MYLK: variants seen among roughly 807,000 people sequenced by gnomAD.
MYLK encodes myosin light chain kinase, smooth muscle.
A neutral mutation model predicts 203.4 loss-of-function variants in MYLK; 106 were observed. The observed-to-expected ratio is 0.52, with a 90% CI of 0.45 to 0.61. MYLK has a LOEUF of 0.61. Among genes scored for constraint, MYLK ranks in the 20% least tolerant of loss-of-function variants. MYLK has a pLI of 0.00. For missense variants in MYLK, 2,072 were observed against 2,442.3 expected (o/e 0.85, Z 3.20); for synonymous variants, 867 against 959.5 (o/e 0.90, Z 1.78).
At chr3:123,724,591 T>C (rs2062211932) in intron 12 of MYLK, among the ~76,000 whole-genome samples, 1 of 152,116 alleles carries the variant, frequency 6.6e-6, no homozygotes, top group Admixed American at 6.5e-5. Flanking sequence ...TGGCACTTCC[T>C]CTTACTCACT....
intron 4 of MYLK, among the ~76,000 whole-genome samples, chr3:123,792,457 C>G (rs949788261): frequency 6.6e-6 from 1 of 152,188 alleles, no homozygotes; most frequent in Non-Finnish European, 1.5e-5. Flanking sequence ...TCTCTTCCCC[C>G]CAGCCCCTGG....
intron 4 of MYLK, among the ~76,000 whole-genome samples, chr3:123,774,106 G>T (rs1560200000): frequency 6.6e-6 from 1 of 152,192 alleles, no homozygotes; most frequent in Non-Finnish European, 1.5e-5. Context: ...CTCCCCAGCT[G>T]TTTTCAATAA....
rs570663633 is a variant in MYLK at position 123,762,054 on chromosome 3, C to T, written c.166-9516G>A. Among the ~76,000 whole-genome samples the T allele has an allele frequency of 2.0e-5, 3 of 152,108 alleles. No homozygotes were observed. In the East Asian group the frequency reaches 5.8e-4, roughly 29 times the overall value. On this transcript the variant is annotated intron_variant, in intron 4 of 33. Transcript: ENST00000360304. ...AAAAATATATATATTTTTATCCTCA[C>T]CAAAACACCCGTACCTGGTTAAAAT...
At chr3:123,805,967 G>C (rs1233933950) in intron 3 of MYLK, among the ~76,000 whole-genome samples, 1 of 152,202 alleles carries the variant, frequency 6.6e-6, no homozygotes, top group Non-Finnish European at 1.5e-5. Context: ...ATAATAGTCA[G>C]TTATGATGAA....
At chr3:123,806,258 G>A (rs749349718) in intron 3 of MYLK, among the ~76,000 whole-genome samples, 8 of 152,178 alleles carry the variant, frequency 5.3e-5, no homozygotes, top group South Asian at 4.1e-4. Context: ...CATGTAGTCC[G>A]CTCCCTTATT....
chr3:123,780,160 G>A (rs763453624), intron 4 of MYLK, among the ~76,000 whole-genome samples: 11 of 152,164 alleles, frequency 7.2e-5, no homozygotes, highest in Non-Finnish European at 1.5e-4. Flanking sequence ...ATGGTTGGGC[G>A]CGGTGGCTCA....
Position 123,722,230 on chromosome 3 carries a change from G to A in MYLK, c.1702C>T (p.Leu568Phe). 1 of 1,563,966 alleles carries A rather than the reference G, an allele frequency of 6.4e-7. No individual in the cohort carries two copies. Among genetic ancestry groups the A allele is most frequent in the South Asian group, 1.2e-5 (1 of 84,734 alleles). ...TCCGGCAGGGCATCCTGGATGTGGA[G>A]CTCAGCCACGCCGGCCTCGCAGGTG... ...RSTCEAGVAE[L>F]HIQDALPEDH... is the part of the protein sequence containing the mutation. Residue 568 changes from leucine (L) to phenylalanine (F), a missense_variant, in exon 13 of 34, where the codon CTC (leucine) becomes TTC (phenylalanine). Physicochemically the swap from Leu to Phe is conservative, Grantham distance 22 (BLOSUM62 0). Coordinates refer to ENST00000360304, the MANE Select transcript of MYLK (RefSeq NM_053025.4).
intron 2 of MYLK, among the ~76,000 whole-genome samples, chr3:123,836,852 G>A (rs750389390): frequency 3.9e-5 from 6 of 152,186 alleles, no homozygotes; most frequent in Admixed American, 6.5e-5. Flanking sequence ...GCATCAGGAT[G>A]ACTTGGAACT....
chr3:123,711,879 G>A (rs755067312), intron 13 of MYLK, among the ~76,000 whole-genome samples: 1 of 152,130 alleles, frequency 6.6e-6, no homozygotes, highest in Non-Finnish European at 1.5e-5. Context: ...TATCTGGGCA[G>A]GTGTCACCTC....
chr3:123,867,774 A>C (rs2032438312), intron 2 of MYLK, among the ~76,000 whole-genome samples: 1 of 151,956 alleles, frequency 6.6e-6, no homozygotes, highest in Non-Finnish European at 1.5e-5. Flanking sequence ...AAATGCATAC[A>C]CTCTCCTACA....
chr3:123,618,780 A>C lies in MYLK; in HGVS notation c.5369-10T>G, dbSNP rs373584324. 9.4e-5 allele frequency: 151 copies of C among 1,614,016 alleles called. No individual in the cohort carries two copies. The highest frequency in any genetic ancestry group is 1.0e-4 in the Non-Finnish European group (120 of 1,179,950). ...GCTTGGGACACATCTTCTAGAAGAC[A>C]GAGAAGAAGACCAGGTCATTTCTTC... On this transcript the variant is annotated splice_polypyrimidine_tract_variant and intron_variant, in intron 32 of 33. Coordinates refer to ENST00000360304, the MANE Select transcript of MYLK (RefSeq NM_053025.4).
chr3:123,644,215 T>C (rs9813986), intron 27 of MYLK, among the ~76,000 whole-genome samples: 43 of 152,316 alleles, frequency 2.8e-4, no homozygotes, highest in African/African-American at 1.0e-3. Flanking sequence ...GTTAGCACAT[T>C]GCACTGGTGA....
chr3:123,763,770 G>C (rs1388920882), intron 4 of MYLK, among the ~76,000 whole-genome samples: 2 of 152,172 alleles, frequency 1.3e-5, no homozygotes. Flanking sequence ...AGAATTTCAT[G>C]ATGACCTGAC....
chr3:123,672,068 C>T (rs1345653857), intron 20 of MYLK, among the ~76,000 whole-genome samples: 2 of 152,046 alleles, frequency 1.3e-5, no homozygotes, highest in African/African-American at 2.4e-5. Context: ...ACCCTTGGTA[C>T]CTCAGAATGT....
intron 26 of MYLK, 65 bp from the exon 27 acceptor site, chr3:123,647,492 G>A (rs560738801): frequency 3.3e-5 from 46 of 1,386,794 alleles, no homozygotes; most frequent in South Asian, 2.3e-4. Flanking sequence ...ACTTGGGGTT[G>A]GCAAATTATG....
At chr3:123,779,124 G>C (rs1322920915) in intron 4 of MYLK, among the ~76,000 whole-genome samples, 1 of 152,182 alleles carries the variant, frequency 6.6e-6, no homozygotes, top group Non-Finnish European at 1.5e-5. Flanking sequence ...TCCAGAAACA[G>C]TCTTTCCCCA....
At chr3:123,860,344 T>C (rs764237223) in intron 2 of MYLK, among the ~76,000 whole-genome samples, 5 of 152,212 alleles carry the variant, frequency 3.3e-5, no homozygotes, top group South Asian at 2.1e-4. Context: ...GACAGCTGGC[T>C]GCTCGAATTC....
intron 3 of MYLK, among the ~76,000 whole-genome samples, chr3:123,798,020 G>C (rs1428509433): frequency 1.3e-5 from 2 of 152,210 alleles, no homozygotes; most frequent in African/African-American, 4.8e-5. Flanking sequence ...GGGAAGGTGG[G>C]GAGGAGGGCC....
At position 123,613,297 on chromosome 3, in the gene MYLK, A is replaced by G. The variant is rs906396309; in HGVS notation, c.*808T>C. On this transcript the variant is annotated 3_prime_UTR_variant, in exon 34 of 34. Transcript: ENST00000360304. ...CAGAGCTGATATTCTATAACAGCAC[A>G]AATAAGAATCCTGGTTTACAAAGGA... 2.6e-5 allele frequency: 4 copies of G among 152,058 alleles called. No homozygotes were observed. The highest frequency in any genetic ancestry group is 1.3e-4 in the Admixed American group (2 of 15,238). The allele number at this position is 152,058 out of a possible 1,614,324, so 9.4% of individuals were successfully genotyped here. A position where few individuals can be genotyped will look rare whatever the true frequency, so the allele number is the denominator to read the frequency against.
Sources: gnomAD v4.1 joint callset for allele counts (sites outside exome capture counted in the v4.1 genomes callset) on GRCh38, gnomAD v4.1.1 for gene constraint, MANE v1.5 for transcripts, NCBI Gene and HGNC (gene_info 2026-07-23, HGNC 2026-07-21) for gene names.